Variants in LIX1 observed in about 807,000 individuals in gnomAD.
The protein encoded by LIX1 is protein limb expression 1 homolog.
Under a neutral mutation model 33.4 loss-of-function variants are expected in LIX1, and 24 were observed. That is an observed-to-expected ratio of 0.72 (90% CI 0.52 to 1.01). The LOEUF is 1.01. Ranked by LOEUF, LIX1 falls within the 50% of genes least tolerant of loss-of-function variation. The pLI is 0.00. For missense variants in LIX1, 311 were observed against 339.2 expected, an observed-to-expected ratio of 0.92 and a Z score of 0.65; for synonymous variants, 124 against 124.0, an observed-to-expected ratio of 1.00 and a Z score of 0.00.
At position 97,096,803 on chromosome 5, in the gene LIX1, A is replaced by G. The variant is rs1219752110; in HGVS notation, c.561+7T>C. Reference sequence around the variant, plus strand: ...ACACAGACTTAGACTTGATTAGAAAATCTTACCTGTCGGGAACACTTTGTT... The same window carrying G: ...ACACAGACTTAGACTTGATTAGAAAGTCTTACCTGTCGGGAACACTTTGTT... On this transcript the variant is annotated splice_region_variant and intron_variant, in intron 5 of 5. Transcript: ENST00000274382. The G allele has an allele frequency of 4.4e-6, 7 of 1,607,270 alleles. No individual in the cohort carries two copies. The Admixed American group carries it at 1.2e-4, about 27-fold the overall frequency.
intron 4 of LIX1, among the ~76,000 whole-genome samples, chr5:97,101,335 G>C (rs749608886): frequency 5.9e-5 from 9 of 152,086 alleles, no homozygotes; most frequent in Admixed American, 3.9e-4. Context: ...CCTTCTTGTG[G>C]CTCTGTCTCA....
intron 5 of LIX1, among the ~76,000 whole-genome samples, chr5:97,095,811 GTA>G (rs1342245366): frequency 6.6e-6 from 1 of 152,080 alleles, no homozygotes; most frequent in Non-Finnish European, 1.5e-5. Flanking sequence ...AGAACATATG[GTA>G]TGCATTTATG....
At chr5:97,131,973 G>T (rs2112795942) in intron 1 of LIX1, among the ~76,000 whole-genome samples, 1 of 152,300 alleles carries the variant, frequency 6.6e-6, no homozygotes. Flanking sequence ...TACTCACTTG[G>T]GTTGTACCTT....
intron 2 of LIX1, among the ~76,000 whole-genome samples, chr5:97,113,014 G>T (rs962169824): frequency 6.6e-6 from 1 of 152,178 alleles, no homozygotes; most frequent in Non-Finnish European, 1.5e-5. Context: ...GGTTATAAAA[G>T]ACACTATGAC....
chr5:97,131,114 C>A (rs1280188158), intron 1 of LIX1, among the ~76,000 whole-genome samples: 1 of 152,188 alleles, frequency 6.6e-6, no homozygotes, highest in Non-Finnish European at 1.5e-5. Context: ...TGAGGCTTTC[C>A]CAGTTAACTG....
chr5:97,132,664 G>A (rs759026259), intron 1 of LIX1, among the ~76,000 whole-genome samples: 20 of 152,326 alleles, frequency 1.3e-4, no homozygotes, highest in Non-Finnish European at 2.5e-4. Context: ...GGAGAGAAGG[G>A]TAGGAACAGA....
At chr5:97,103,737 G>A (rs767175906) in intron 4 of LIX1, among the ~76,000 whole-genome samples, 7 of 152,250 alleles carry the variant, frequency 4.6e-5, no homozygotes, top group East Asian at 1.9e-4. Context: ...AGGCCAAGGC[G>A]GGCAGATCAC....
At chr5:97,132,052 G>T (rs444243) in intron 1 of LIX1, among the ~76,000 whole-genome samples, 73,534 of 152,022 alleles carry the variant, frequency 0.48, 19,066 homozygotes, top group African/African-American at 0.68. Flanking sequence ...ATGCCAACAC[G>T]AATTGATTTA....
At chr5:97,121,100 G>A (rs555313970) in intron 2 of LIX1, among the ~76,000 whole-genome samples, 3 of 152,124 alleles carry the variant, frequency 2.0e-5, no homozygotes, top group East Asian at 1.9e-4. Context: ...GCCAGTTTTT[G>A]TCCCATTTCA....
chr5:97,124,210 T>A (rs1747854003), intron 2 of LIX1, among the ~76,000 whole-genome samples: 1 of 152,136 alleles, frequency 6.6e-6, no homozygotes, highest in Non-Finnish European at 1.5e-5. Context: ...TGCTTATGAG[T>A]TTCACGGTAT....
chr5:97,112,727 T>G (rs1355530508), intron 2 of LIX1, among the ~76,000 whole-genome samples: 1 of 151,744 alleles, frequency 6.6e-6, no homozygotes, highest in Non-Finnish European at 1.5e-5. Context: ...TTCAGATGCC[T>G]TTCATTTGCT....
At chr5:97,128,108 C>T (rs1747974410) in intron 1 of LIX1, among the ~76,000 whole-genome samples, 1 of 152,212 alleles carries the variant, frequency 6.6e-6, no homozygotes, top group African/African-American at 2.4e-5. Context: ...TATTAAAATG[C>T]TCCCAATATA....
Position 97,095,507 on chromosome 5 carries a change from A to G in LIX1, c.562-472T>C, listed in dbSNP as rs896116986. On this transcript the variant is annotated intron_variant, in intron 5 of 5. Transcript: ENST00000274382. ...AAGCAGGAAGCTCTTAGTTAAGGGC[A>G]TCTCAGAGTATCATTTAGAAACCAG... 5.3e-5 allele frequency among the ~76,000 whole-genome samples: 8 copies of G among 152,368 alleles called. No individual in the cohort carries two copies. The East Asian group carries it at 1.5e-3, about 29-fold the overall frequency.
At chr5:97,119,268 T>A (rs1034500273) in intron 2 of LIX1, among the ~76,000 whole-genome samples, 4 of 152,168 alleles carry the variant, frequency 2.6e-5, no homozygotes, top group Admixed American at 2.0e-4. Flanking sequence ...TAATAATCCA[T>A]CGTGAAATGA....
rs1382654157 is a variant in LIX1, at chr5:97,093,044, G to A, written c.*1704C>T. On this transcript the variant is annotated 3_prime_UTR_variant, in exon 6 of 6. Transcript: ENST00000274382. ...AAAATAATATTTTAAAATAAAATGTGTTGAAAATTACTGTTACCTTTAAAA... is the reference window on the plus strand; with the variant it reads ...AAAATAATATTTTAAAATAAAATGTATTGAAAATTACTGTTACCTTTAAAA... The A allele has an allele frequency of 6.6e-6, 1 of 152,214 alleles. No individual in the cohort carries two copies. Among genetic ancestry groups the A allele is most frequent in the Non-Finnish European group, 1.5e-5 (1 of 68,020 alleles). 9.4% of individuals were successfully genotyped at this position (152,214 alleles called of 1,614,324 possible). A position where few individuals can be genotyped will look rare whatever the true frequency, so the allele number is the denominator to read the frequency against.
intron 4 of LIX1, among the ~76,000 whole-genome samples, chr5:97,099,688 T>A (rs955394702): frequency 6.6e-6 from 1 of 151,966 alleles, no homozygotes; most frequent in African/African-American, 2.4e-5. Flanking sequence ...AATAAAAAAA[T>A]TAGCCAGGTG....
intron 2 of LIX1, among the ~76,000 whole-genome samples, chr5:97,115,039 T>C (rs989547989): frequency 6.6e-6 from 1 of 152,212 alleles, no homozygotes; most frequent in African/African-American, 2.4e-5. Flanking sequence ...AGGAAGTACA[T>C]AGCACTACTG....
intron 2 of LIX1, among the ~76,000 whole-genome samples, chr5:97,113,416 A>G (rs780120071): frequency 4.6e-5 from 7 of 152,228 alleles, no homozygotes; most frequent in Non-Finnish European, 8.8e-5. Flanking sequence ...TTTGCTCACC[A>G]CAGGTAATTA....
At chr5:97,109,815 T>C (rs1287959266) in intron 2 of LIX1, among the ~76,000 whole-genome samples, 1 of 152,022 alleles carries the variant, frequency 6.6e-6, no homozygotes, top group Non-Finnish European at 1.5e-5. Flanking sequence ...ATAGCTTAGC[T>C]CCCACTTATA....
Sources: gnomAD v4.1 joint callset for allele counts (sites outside exome capture counted in the v4.1 genomes callset) on GRCh38, gnomAD v4.1.1 for gene constraint, MANE v1.5 for transcripts, NCBI Gene and HGNC (gene_info 2026-07-23, HGNC 2026-07-21) for gene names.